The following C2orf42 variants were observed in gnomAD, a reference collection of about 807,000 sequenced individuals.
The protein encoded by C2orf42 is uncharacterized protein C2orf42.
A neutral mutation model predicts 58.9 loss-of-function variants in C2orf42; 44 were observed. The ratio of observed to expected loss-of-function variants is 0.75; its 90% CI spans 0.59 to 0.96. C2orf42 has a LOEUF of 0.96. C2orf42 is among the 40% of genes least tolerant of loss of function. The probability of loss-of-function intolerance (pLI) is 0.00; values close to 1 mark genes in which losing one functional copy is unlikely to be tolerated. For synonymous variants in C2orf42, 239 were observed against 265.4 expected, an observed-to-expected ratio of 0.90 and a Z score of 0.97; for missense variants, 630 against 699.2, an observed-to-expected ratio of 0.90 and a Z score of 1.12.
At chr2:70,175,839 T>G in intron 4 of C2orf42, 62 bp from the exon 5 acceptor site, 1 of 1,037,624 alleles carries the variant, frequency 9.6e-7, no homozygotes, top group Non-Finnish European at 1.5e-6. Context: ...GATTTGATGT[T>G]AATTTTTAGA....
At chr2:70,151,453 C>T (rs902012479) in intron 9 of C2orf42, among the ~76,000 whole-genome samples, 5 of 151,942 alleles carry the variant, frequency 3.3e-5, no homozygotes, top group Admixed American at 3.3e-4. Flanking sequence ...CTGACCAACA[C>T]GGCAAAACCG....
intron 3 of C2orf42, 135 bp downstream of exon 3, chr2:70,181,021 AAAAAAAG>A: frequency 1.9e-6 from 1 of 529,332 alleles, no homozygotes. Flanking sequence ...AAAAAAAAAA[AAAAAAAG>A]AAGGAACACT....
intron 1 of C2orf42, 57 bp from the exon 2 acceptor site, chr2:70,182,992 G>A (rs529689347): frequency 3.3e-5 from 5 of 152,270 alleles, no homozygotes; most frequent in South Asian, 2.1e-4. Flanking sequence ...TGATTCTTTC[G>A]TTAGAAATCA....
At chr2:70,187,239 C>T (rs1675003707) in intron 1 of C2orf42, among the ~76,000 whole-genome samples, 1 of 147,180 alleles carries the variant, frequency 6.8e-6, no homozygotes, top group Admixed American at 6.8e-5. Flanking sequence ...ACTCTTTTAT[C>T]TTTTCTTTTA....
At chr2:70,180,408 G>C (rs1042820650) in intron 3 of C2orf42, among the ~76,000 whole-genome samples, 1 of 151,780 alleles carries the variant, frequency 6.6e-6, no homozygotes, top group African/African-American at 2.4e-5. Context: ...AGGAGTTTGA[G>C]ACCAGCCTGG....
intron 5 of C2orf42, among the ~76,000 whole-genome samples, chr2:70,172,961 G>T (rs1276513464): frequency 6.6e-6 from 1 of 152,016 alleles, no homozygotes; most frequent in East Asian, 1.9e-4. Context: ...CCAGGAGTTC[G>T]AGAGCAGCCT....
At chr2:70,176,548 A>G (rs1674207624) in intron 4 of C2orf42, among the ~76,000 whole-genome samples, 1 of 152,116 alleles carries the variant, frequency 6.6e-6, no homozygotes, top group Admixed American at 6.6e-5. Flanking sequence ...AGTTTAACTG[A>G]GTATTCTATA....
Position 70,165,081 on chromosome 2 carries a change from T to A in C2orf42, c.1353+11A>T, listed in dbSNP as rs200955734. The A allele has an allele frequency of 1.1e-3, 1,663 of 1,448,466 alleles. 30 individuals carry two copies. The South Asian group carries it at 0.015, about 13-fold the overall frequency. The allele number at this position is 1,448,466 out of a possible 1,614,324, so 89.7% of individuals were successfully genotyped here. A position where few individuals can be genotyped will look rare whatever the true frequency, so the allele number is the denominator to read the frequency against. ...CACAACCCTCCCACTGTTATAGAAATAAACTCTCACCTCTGGGGTATCTAA... is the reference window on the plus strand; with the variant it reads ...CACAACCCTCCCACTGTTATAGAAAAAAACTCTCACCTCTGGGGTATCTAA... On this transcript the variant is annotated intron_variant, in intron 8 of 9. Transcript: ENST00000264434.
intron 5 of C2orf42, among the ~76,000 whole-genome samples, chr2:70,172,369 T>C (rs759248103): frequency 1.1e-4 from 17 of 151,802 alleles, no homozygotes; most frequent in Non-Finnish European, 2.1e-4. Context: ...GATCTATCAT[T>C]CTATTTCTTT....
intron 8 of C2orf42, among the ~76,000 whole-genome samples, chr2:70,161,855 A>T (rs2104867430): frequency 6.6e-6 from 1 of 151,682 alleles, no homozygotes; most frequent in African/African-American, 2.4e-5. Flanking sequence ...AAAAAAAAAA[A>T]AAAAGAGTCA....
intron 4 of C2orf42, among the ~76,000 whole-genome samples, chr2:70,176,442 T>G (rs1301350451): frequency 6.6e-6 from 1 of 151,260 alleles, no homozygotes; most frequent in Non-Finnish European, 1.5e-5. Context: ...AGGCGGAGCT[T>G]GCAGTGAGCC....
At position 70,150,520 on chromosome 2, in the gene C2orf42, C is replaced by T. The variant is rs770581132; in HGVS notation, c.1561G>A (p.Glu521Lys). Residue 521 changes from glutamate to lysine, a missense_variant, in exon 10 of 10, where the codon GAG (glutamate) becomes AAG (lysine). Glu to Lys is a moderately conservative substitution (Grantham distance 56). Transcript: ENST00000264434. The part of the protein sequence containing the change: ...DQKEPTPFII[E>K]WIPDILPQSK... Reference sequence around the variant, plus strand: ...TGGGGAAGGATATCTGGGATCCACTCGATGATGAAAGGTGTTGGCTCCTTT... The same window carrying T: ...TGGGGAAGGATATCTGGGATCCACTTGATGATGAAAGGTGTTGGCTCCTTT... 5 of 1,613,840 alleles carry T rather than the reference C, an allele frequency of 3.1e-6. No individual in the cohort carries two copies. The highest frequency in any genetic ancestry group is 1.3e-5 in the African/African-American group (1 of 74,948).
chr2:70,181,776 AG>A lies in C2orf42; in HGVS notation c.209del (p.Ser70LeufsTer41). 6.2e-7 allele frequency: 1 copy of A among 1,614,170 alleles called. No individual in the cohort carries two copies. The highest frequency in any genetic ancestry group is 8.5e-7 in the Non-Finnish European group (1 of 1,180,006). On this transcript the variant is annotated frameshift_variant, in exon 3 of 10. Transcript: ENST00000264434. LOFTEE classifies it high-confidence loss of function. ...SVEAVKIITG[S>X]DLQVYSVRQR... ...GCCGCACTGAGTAGACCTGAAGATC[AG>A]AGCCTGTAATGATTTTGACAGCTTC...
At chr2:70,167,693 A>T (rs1046850975) in intron 6 of C2orf42, among the ~76,000 whole-genome samples, 1 of 152,046 alleles carries the variant, frequency 6.6e-6, no homozygotes, top group Non-Finnish European at 1.5e-5. Context: ...GTGAACTGAG[A>T]TTGTACCACT....
intron 1 of C2orf42, among the ~76,000 whole-genome samples, chr2:70,189,021 T>A (rs554424521): frequency 2.0e-4 from 30 of 152,254 alleles, no homozygotes; most frequent in African/African-American, 7.2e-4. Context: ...AACAACCTGA[T>A]GTCCCTCAAG....
chr2:70,150,553 G>C lies in C2orf42; in HGVS notation c.1528C>G (p.Pro510Ala). ...KTFLKVGNTS[P>A]DQKEPTPFII... Reference sequence around the variant, plus strand: ...AAAGGTGTTGGCTCCTTTTGATCTGGGGAAGTGTTGCCTAAAGAGAAGAAA... The same window carrying C: ...AAAGGTGTTGGCTCCTTTTGATCTGCGGAAGTGTTGCCTAAAGAGAAGAAA... Residue 510 changes from proline to alanine, a missense_variant, in exon 10 of 10, where the codon CCA (proline) becomes GCA (alanine). Physicochemically the swap from Pro to Ala is conservative, Grantham distance 27 (BLOSUM62 -1). Transcript: ENST00000264434. 1 of 1,612,946 alleles carries C rather than the reference G, an allele frequency of 6.2e-7. No individual in the cohort carries two copies. The highest frequency in any genetic ancestry group is 8.5e-7 in the Non-Finnish European group (1 of 1,178,994).
intron 9 of C2orf42, among the ~76,000 whole-genome samples, chr2:70,152,903 C>A (rs548608685): frequency 6.6e-6 from 1 of 151,978 alleles, no homozygotes; most frequent in Non-Finnish European, 1.5e-5. Flanking sequence ...CGTGGTGGCA[C>A]GCCCCTGTAA....
At chr2:70,184,479 ATTTTTT>A (rs771522645) in intron 1 of C2orf42, among the ~76,000 whole-genome samples, 4 of 77,380 alleles carry the variant, frequency 5.2e-5, no homozygotes, top group East Asian at 4.1e-4. Flanking sequence ...GCCTGGCCCT[ATTTTTT>A]TTTTTTTTTT....
chr2:70,174,838 T>C (rs1204464119), intron 5 of C2orf42, among the ~76,000 whole-genome samples: 1 of 151,982 alleles, frequency 6.6e-6, no homozygotes, highest in African/African-American at 2.4e-5. Context: ...ATCTGGCTAA[T>C]TTTTTCTATT....
Sources: allele counts gnomAD v4.1 joint callset (sites outside exome capture counted in the v4.1 genomes callset), GRCh38; gene constraint gnomAD v4.1.1; transcripts MANE v1.5; gene names NCBI Gene and HGNC (gene_info 2026-07-23, HGNC 2026-07-21).